GALNT17: variants seen among roughly 807,000 people sequenced by gnomAD.
GALNT17 encodes polypeptide N-acetylgalactosaminyltransferase 17.
Under a neutral mutation model 63.7 loss-of-function variants are expected in GALNT17, and 29 were observed. That is an observed-to-expected ratio of 0.46 (90% CI 0.34 to 0.62). GALNT17 has a LOEUF of 0.62. Ranked by LOEUF, GALNT17 falls within the 20% of genes least tolerant of loss-of-function variation. The probability of loss-of-function intolerance (pLI) is 0.01; values close to 1 mark genes in which losing one functional copy is unlikely to be tolerated. For synonymous variants in GALNT17, 305 were observed against 318.3 expected, an observed-to-expected ratio of 0.96 and a Z score of 0.45; for missense variants, 603 against 799.6, an observed-to-expected ratio of 0.75 and a Z score of 2.97.
chr7:71,651,896 A>T (rs1169691271), intron 6 of GALNT17, among the ~76,000 whole-genome samples: 1 of 151,830 alleles, frequency 6.6e-6, no homozygotes, highest in Admixed American at 6.6e-5. Flanking sequence ...ATGTTTTCTT[A>T]TAGATGGTTG....
At position 71,700,637 on chromosome 7, in the gene GALNT17, G is replaced by A. The variant is rs143992684; in HGVS notation, c.1501-10124G>A. On this transcript the variant is annotated intron_variant, in intron 9 of 10. Transcript: ENST00000333538. ...ACACCACATTTCCTCTGGTCTCCAGGCCTTTAAACAGCTGCTCCATATTCC... is the reference window on the plus strand; with the variant it reads ...ACACCACATTTCCTCTGGTCTCCAGACCTTTAAACAGCTGCTCCATATTCC... Among the ~76,000 whole-genome samples, 107 of 152,180 alleles carry A rather than the reference G, an allele frequency of 7.0e-4. 2 individuals are homozygous for A. Among genetic ancestry groups the A allele is most frequent in the African/African-American group, 2.4e-3 (99 of 41,514 alleles).
At chr7:71,288,437 G>A (rs1790917224) in intron 1 of GALNT17, among the ~76,000 whole-genome samples, 1 of 151,974 alleles carries the variant, frequency 6.6e-6, no homozygotes, top group South Asian at 2.1e-4. Context: ...GGTTTTCAGG[G>A]GTTACCTGTC....
intron 5 of GALNT17, among the ~76,000 whole-genome samples, chr7:71,523,034 C>T (rs990729766): frequency 2.6e-5 from 4 of 151,972 alleles, no homozygotes; most frequent in African/African-American, 9.7e-5. Flanking sequence ...AGCGAGACCT[C>T]GTCTCTATGG....
intron 1 of GALNT17, chr7:71,283,936 AGACCAATCAACACTCTGTAAAATG>A (rs1015889217): frequency 6.6e-6 from 1 of 151,406 alleles, no homozygotes; most frequent in Non-Finnish European, 1.5e-5. Flanking sequence ...TCTGTAAAAT[AGACCAATCAACACTCTGTAAAATG>A]GACCAATCAG....
In GALNT17 at chr7:71,346,270, A is replaced by T. The variant is rs1371157633; in HGVS notation, c.422+10537A>T. 1.3e-5 allele frequency among the ~76,000 whole-genome samples: 2 copies of T among 151,968 alleles called. 1 individual carries two copies. The highest frequency in any genetic ancestry group is 4.8e-5 in the African/African-American group (2 of 41,384). On this transcript the variant is annotated intron_variant, in intron 2 of 10. Coordinates refer to ENST00000333538, the MANE Select transcript of GALNT17 (RefSeq NM_022479.3). ...TATATTTTAAAAGGTCAAAAATTCT[A>T]TGTTAAACTTTCTTTTTCACAGACT...
chr7:71,610,409 A>G (rs1184686251), intron 6 of GALNT17, among the ~76,000 whole-genome samples: 1 of 151,690 alleles, frequency 6.6e-6, no homozygotes, highest in Non-Finnish European at 1.5e-5. Context: ...GATCACTTGA[A>G]CCCAAGGCTG....
intron 1 of GALNT17, among the ~76,000 whole-genome samples, chr7:71,186,344 T>G (rs1345980548): frequency 3.9e-5 from 6 of 152,176 alleles, no homozygotes; most frequent in Non-Finnish European, 8.8e-5. Context: ...TTATGGGGGT[T>G]TGGACTGCTG....
chr7:71,143,202 C>G (rs1256584418), intron 1 of GALNT17, among the ~76,000 whole-genome samples: 1 of 150,454 alleles, frequency 6.6e-6, no homozygotes, highest in African/African-American at 2.4e-5. Context: ...TGGGTGGATC[C>G]TTTGAGGTCA....
At chr7:71,650,672 G>A (rs1237034682) in intron 6 of GALNT17, among the ~76,000 whole-genome samples, 1 of 152,136 alleles carries the variant, frequency 6.6e-6, no homozygotes, top group Admixed American at 6.5e-5. Context: ...GTTAAACATA[G>A]CTTATCTATA....
At chr7:71,320,650 G>A (rs1232734203) in intron 1 of GALNT17, among the ~76,000 whole-genome samples, 1 of 152,136 alleles carries the variant, frequency 6.6e-6, no homozygotes, top group Non-Finnish European at 1.5e-5. Context: ...AAAATTGATA[G>A]TGCTTCTGAA....
intron 6 of GALNT17, among the ~76,000 whole-genome samples, chr7:71,661,295 C>G (rs1017505751): frequency 1.3e-5 from 2 of 152,118 alleles, no homozygotes; most frequent in Non-Finnish European, 2.9e-5. Context: ...GGGTTATGAA[C>G]CACTTTCTCC....
At chr7:71,358,838 A>G (rs188585132) in intron 2 of GALNT17, among the ~76,000 whole-genome samples, 349 of 151,578 alleles carry the variant, frequency 2.3e-3, no homozygotes, top group Admixed American at 5.1e-3. Context: ...CAGTGGCACA[A>G]TCTTGGCTCA....
chr7:71,168,514 G>A (rs1019869292), intron 1 of GALNT17, among the ~76,000 whole-genome samples: 3 of 152,098 alleles, frequency 2.0e-5, no homozygotes, highest in Admixed American at 2.0e-4. Context: ...GGATGTTGCA[G>A]TGAACCGAGA....
chr7:71,449,968 G>C (rs796600319), intron 5 of GALNT17, among the ~76,000 whole-genome samples: 17 of 151,620 alleles, frequency 1.1e-4, no homozygotes, highest in African/African-American at 3.9e-4. Flanking sequence ...CTTGAACCCG[G>C]GACGCAGAAG....
intron 5 of GALNT17, among the ~76,000 whole-genome samples, chr7:71,473,562 A>G (rs909431517): frequency 1.3e-5 from 2 of 152,112 alleles, no homozygotes; most frequent in Non-Finnish European, 2.9e-5. Flanking sequence ...TATGATCTCT[A>G]TTTTAATGTT....
chr7:71,366,451 G>C (rs930058130), intron 2 of GALNT17, among the ~76,000 whole-genome samples: 2 of 152,094 alleles, frequency 1.3e-5, no homozygotes, highest in African/African-American at 2.4e-5. Context: ...CATGGTGGCG[G>C]GCGCCTGTAA....
In GALNT17 at chr7:71,425,902, G is replaced by A. The variant is rs568928696; in HGVS notation, c.962+4797G>A. Among the ~76,000 whole-genome samples the A allele has an allele frequency of 1.3e-4, 20 of 152,260 alleles. No individual in the cohort carries two copies. In the South Asian group the frequency reaches 1.5e-3, roughly 11 times the overall value. ...GTACTGGAAGCATGGAGGCTTCTGCGTCTGGGGAGGCCTCAGGAATCTTAC... is the reference window on the plus strand; with the variant it reads ...GTACTGGAAGCATGGAGGCTTCTGCATCTGGGGAGGCCTCAGGAATCTTAC... On this transcript the variant is annotated intron_variant, in intron 5 of 10. Transcript: ENST00000333538.
chr7:71,254,376 G>A (rs1355909663), intron 1 of GALNT17, among the ~76,000 whole-genome samples: 1 of 152,072 alleles, frequency 6.6e-6, no homozygotes, highest in East Asian at 1.9e-4. Flanking sequence ...GAAGGGAAGA[G>A]GATTCTCTAC....
At position 71,603,313 on chromosome 7, in the gene GALNT17, AC is replaced by A. The variant is rs570957151; in HGVS notation, c.1080+31912del. Among the ~76,000 whole-genome samples, 89 of 152,016 alleles carry A rather than the reference AC, an allele frequency of 5.9e-4. 1 individual carries two copies. The highest frequency in any genetic ancestry group is 2.1e-3 in the African/African-American group (86 of 41,446). On this transcript the variant is annotated intron_variant, in intron 6 of 10. Coordinates refer to ENST00000333538, the MANE Select transcript of GALNT17 (RefSeq NM_022479.3). ...ACTATGCTAAGTGCATACACCAGGTACTATGCTAGTGCATATACCAGGTACT... is the reference window on the plus strand; with the variant it reads ...ACTATGCTAAGTGCATACACCAGGTATATGCTAGTGCATATACCAGGTACT...
Sources: gnomAD v4.1 joint callset for allele counts (sites outside exome capture counted in the v4.1 genomes callset) on GRCh38, gnomAD v4.1.1 for gene constraint, MANE v1.5 for transcripts, NCBI Gene and HGNC (gene_info 2026-07-23, HGNC 2026-07-21) for gene names.